Variants in OR6B3 observed in about 807,000 individuals in gnomAD.
OR6B3 encodes the protein olfactory receptor family 6 subfamily B member 3.
For synonymous variants in OR6B3, 148 were observed against 187.8 expected (o/e 0.79, Z 1.73); for missense variants, 315 against 427.4 (o/e 0.74, Z 2.32).
upstream of OR6B3, among the ~76,000 whole-genome samples, chr2:240,049,556 T>C (rs1284635295): frequency 6.6e-6 from 1 of 152,124 alleles, no homozygotes; most frequent in Admixed American, 6.5e-5. Context: ...CAATCCCCGA[T>C]CAAGACTTTC....
chr2:240,046,787 G>A (rs1228127121), intron 1 of OR6B3, among the ~76,000 whole-genome samples, 165 bp downstream of exon 2: 4 of 152,192 alleles, frequency 2.6e-5, no homozygotes, highest in East Asian at 1.9e-4. Flanking sequence ...GAACGTTCTC[G>A]AGGGGCCTGT....
At chr2:240,052,492 C>T in the OR6B3 span, among the ~76,000 whole-genome samples, 4 of 152,096 alleles carry the variant, frequency 2.6e-5, no homozygotes, top group Non-Finnish European at 5.9e-5. This position sits in a 1 kb window ranked among gnomAD's most constrained non-coding sequence, Gnocchi z 4.5. Flanking sequence ...TATAGAAAGC[C>T]CTACATCAGA....
At chr2:240,045,200 G>C (rs772003392) in exon 2 of OR6B3, 1 of 1,614,188 alleles carries the variant, frequency 6.2e-7, no homozygotes, top group East Asian at 2.2e-5. Flanking sequence ...TATTCCTCAG[G>C]CAGTATATCA....
chr2:240,045,959 G>A (rs368875346), exon 2 of OR6B3: 1 of 1,577,268 alleles, frequency 6.3e-7, no homozygotes, highest in East Asian at 2.2e-5. Flanking sequence ...TCTCCACCAG[G>A]ACAAAGAGGT....
At chr2:240,046,165 G>T in intron 1 of OR6B3, 68 bp from the exon 3 acceptor site, 5 of 1,131,908 alleles carry the variant, frequency 4.4e-6, no homozygotes, top group Non-Finnish European at 6.3e-6. Context: ...AGTGGAGCTG[G>T]ACCTGGATAG....
chr2:240,048,152 G>A (rs1053296231), upstream of OR6B3, among the ~76,000 whole-genome samples: 15 of 152,166 alleles, frequency 9.9e-5, no homozygotes, highest in African/African-American at 3.6e-4. Context: ...TTCCATAAAT[G>A]GTAGCAATAT....
intron 1 of OR6B3, among the ~76,000 whole-genome samples, chr2:240,046,481 G>A (rs1000285555): frequency 6.6e-6 from 1 of 152,178 alleles, no homozygotes; most frequent in African/African-American, 2.4e-5. Flanking sequence ...GCTTCTGGAT[G>A]TATTGTTTGA....
chr2:240,050,224 C>T (rs139402762), upstream of OR6B3, among the ~76,000 whole-genome samples: 91 of 152,196 alleles, frequency 6.0e-4, 1 homozygote, highest in African/African-American at 2.0e-3. Context: ...AGATGCACGA[C>T]AAAAAACTTC....
At chr2:240,050,858 T>C (rs1698249193), upstream of OR6B3, among the ~76,000 whole-genome samples, 1 of 151,906 alleles carries the variant, frequency 6.6e-6, no homozygotes, top group Non-Finnish European at 1.5e-5. Context: ...ATTAGAATAG[T>C]AAAATTTTTG....
At chr2:240,047,493 C>T (rs543921352), upstream of OR6B3, among the ~76,000 whole-genome samples, 4 of 152,270 alleles carry the variant, frequency 2.6e-5, no homozygotes, top group Non-Finnish European at 5.9e-5. Flanking sequence ...GCAGACGACC[C>T]GTGAAGGTAC....
chr2:240,050,946 T>C (rs757855907), upstream of OR6B3, among the ~76,000 whole-genome samples: 1 of 152,120 alleles, frequency 6.6e-6, no homozygotes, highest in Non-Finnish European at 1.5e-5. Context: ...GGAGAAATCA[T>C]CGGCAATGGC....
chr2:240,052,560 G>T, the OR6B3 span, among the ~76,000 whole-genome samples: 3 of 152,170 alleles, frequency 2.0e-5, no homozygotes, highest in Admixed American at 1.3e-4. This position sits in a 1 kb window ranked among gnomAD's most constrained non-coding sequence, Gnocchi z 4.5. Context: ...TAAACATGAT[G>T]TCAGGATAGT....
At position 240,045,349 on chromosome 2, in the gene OR6B3, C is replaced by T. The variant is rs199798079; in HGVS notation, c.724G>A (p.Ala242Thr). Residue 242 changes from alanine (A) to threonine (T), a missense_variant, in exon 2 of 2, where the codon GCC becomes ACC. Transcript: ENST00000641019. ...ACGGTGACCACGGTGAGGTGAGAGG[C>T]GCAGGTGAAGAAGGCTCTCCAGCAG... 2,293 of 1,614,166 alleles carry T rather than the reference C, an allele frequency of 1.4e-3. 19 individuals carry two copies. Among genetic ancestry groups the T allele is most frequent in the South Asian group, 0.01 (912 of 91,072 alleles).
At chr2:240,047,186 G>A (rs773949380), upstream of OR6B3, among the ~76,000 whole-genome samples, 20 of 152,156 alleles carry the variant, frequency 1.3e-4, no homozygotes, top group Non-Finnish European at 2.1e-4. Context: ...AGGCAGAGAA[G>A]ACCCCTTCAG....
chr2:240,049,859 G>GAA (rs371984383), upstream of OR6B3, among the ~76,000 whole-genome samples: 2 of 151,934 alleles, frequency 1.3e-5, no homozygotes, highest in African/African-American at 4.8e-5. Context: ...ATTGTAATAA[G>GAA]AAAAAAAGTG....
chr2:240,049,241 G>GA (rs1249451937), upstream of OR6B3, among the ~76,000 whole-genome samples: 2 of 151,994 alleles, frequency 1.3e-5, no homozygotes, highest in African/African-American at 4.8e-5. Flanking sequence ...GAACTTCAAG[G>GA]AAAAAGAACC....
upstream of OR6B3, among the ~76,000 whole-genome samples, chr2:240,049,567 A>G (rs975359203): frequency 6.6e-6 from 1 of 152,266 alleles, no homozygotes; most frequent in Admixed American, 6.5e-5. Context: ...CAAGACTTTC[A>G]CAGCGTAAAA....
At chr2:240,052,664 G>A in the OR6B3 span, among the ~76,000 whole-genome samples, 7 of 152,296 alleles carry the variant, frequency 4.6e-5, no homozygotes, top group East Asian at 1.9e-4. The surrounding 1 kb of genome is among the most constrained non-coding windows in gnomAD (Gnocchi z 4.5). Flanking sequence ...GATGCCTGCC[G>A]GTCCTCCAGC....
At chr2:240,048,906 G>A (rs1204140150), upstream of OR6B3, among the ~76,000 whole-genome samples, 8 of 152,212 alleles carry the variant, frequency 5.3e-5, no homozygotes, top group Non-Finnish European at 8.8e-5. Context: ...AAGAGTCTTT[G>A]AGGATGTTAC....
Sources: allele counts gnomAD v4.1 joint callset (sites outside exome capture counted in the v4.1 genomes callset), GRCh38; gene constraint gnomAD v4.1.1; non-coding constraint Gnocchi (gnomAD v3.1); transcripts MANE v1.5; gene names NCBI Gene and HGNC (gene_info 2026-07-23, HGNC 2026-07-21).